EFCAB14: variants seen among roughly 807,000 people sequenced by gnomAD.
EFCAB14 encodes the protein EF-hand calcium binding domain 14, also known as EF-hand calcium-binding domain-containing protein 14.
Under a neutral mutation model 56.5 loss-of-function variants are expected in EFCAB14, and 43 were observed. The observed-to-expected ratio is 0.76, with a 90% confidence interval of 0.60 to 0.98. The LOEUF is 0.98. EFCAB14 is among the 50% of genes least tolerant of loss of function. EFCAB14 has a pLI of 0.00. For synonymous variants in EFCAB14, 235 were observed against 212.9 expected, an observed-to-expected ratio of 1.10 and a Z score of -0.90; for missense variants, 538 against 580.3, an observed-to-expected ratio of 0.93 and a Z score of 0.75.
At chr1:46,714,685 T>A (rs1330924191) in intron 2 of EFCAB14, among the ~76,000 whole-genome samples, 1 of 151,278 alleles carries the variant, frequency 6.6e-6, no homozygotes, top group African/African-American at 2.4e-5. Context: ...GCTATTGGGA[T>A]TGGGGGTGTG....
rs192407008 is a variant in EFCAB14 at position 46,707,435 on chromosome 1, T to G, written c.480+471A>C. ...AAGTTTATGTTGTATTAGGCTTATT[T>G]GACTGACCAAGGTATTTAACCAACT... is the stretch of plus-strand genomic sequence containing the variant. On this transcript the variant is annotated intron_variant, in intron 3 of 10. Coordinates refer to ENST00000371933, the MANE Select transcript of EFCAB14 (RefSeq NM_014774.3). Among the ~76,000 whole-genome samples, 4 of 152,372 alleles carry G rather than the reference T, an allele frequency of 2.6e-5. No homozygotes were observed. The East Asian group carries it at 7.7e-4, about 29-fold the overall frequency.
rs765728621 is a variant in EFCAB14, at chr1:46,696,547, C to T, written c.579+4G>A. On this transcript the variant is annotated splice_donor_region_variant and intron_variant, in intron 4 of 10. Transcript: ENST00000371933. ...AAGTCTCTGTACCCACACATGGCACCTACCTTCTGAAGTCCCTCTACAGTG... is the reference window on the plus strand; with the variant it reads ...AAGTCTCTGTACCCACACATGGCACTTACCTTCTGAAGTCCCTCTACAGTG... The T allele has an allele frequency of 1.1e-5, 17 of 1,612,948 alleles. 1 individual carries two copies. The South Asian group carries it at 1.9e-4, about 18-fold the overall frequency.
rs1311618142 is a variant in EFCAB14 at position 46,716,328 on chromosome 1, C to T, written c.301G>A (p.Asp101Asn). ...LVWMQVALKE[D>N]LDALKEKFRT... ...AATTTTTCCTTGAGGGCATCCAGAT[C>T]CTCCTTGAGAGCAACCTGCATCCAC... Residue 101 changes from aspartate (D) to asparagine (N), a missense_variant, in exon 2 of 11, where the codon GAT becomes AAT. Physicochemically the swap from Asp to Asn is conservative, Grantham distance 23. Transcript: ENST00000371933. 1.2e-6 allele frequency: 2 copies of T among 1,612,962 alleles called. No homozygotes were observed. Among genetic ancestry groups the T allele is most frequent in the South Asian group, 1.1e-5 (1 of 90,982 alleles).
chr1:46,686,285 T>C (rs886078651), intron 8 of EFCAB14, among the ~76,000 whole-genome samples: 1 of 152,220 alleles, frequency 6.6e-6, no homozygotes, highest in Non-Finnish European at 1.5e-5. Flanking sequence ...TATGAATACA[T>C]AGAGATTGCA....
intron 1 of EFCAB14, 125 bp downstream of exon 1, chr1:46,717,778 C>A: frequency 9.7e-7 from 1 of 1,027,230 alleles, no homozygotes; most frequent in Non-Finnish European, 1.4e-6. Context: ...GTTTTTCCCT[C>A]TTTGACTTCC....
At chr1:46,712,978 C>T (rs1183591068) in intron 2 of EFCAB14, among the ~76,000 whole-genome samples, 1 of 152,018 alleles carries the variant, frequency 6.6e-6, no homozygotes, top group African/African-American at 2.4e-5. Flanking sequence ...CATGCCATTG[C>T]ACTCCAGCCT....
At chr1:46,683,596 T>C (rs573050770) in intron 9 of EFCAB14, among the ~76,000 whole-genome samples, 171 bp from the exon 10 acceptor site, 1 of 152,326 alleles carries the variant, frequency 6.6e-6, no homozygotes, top group South Asian at 2.1e-4. Flanking sequence ...TTGAGACATA[T>C]TTGTGGGCAA....
chr1:46,684,390 T>C (rs1447513861), intron 9 of EFCAB14, 101 bp downstream of exon 9: 6 of 920,524 alleles, frequency 6.5e-6, no homozygotes, highest in African/African-American at 5.0e-5. Flanking sequence ...CATCACTCGC[T>C]TGGTGCGATC....
In EFCAB14 at chr1:46,718,141, C is replaced by A; in HGVS notation, c.-54G>T. The A allele has an allele frequency of 6.4e-7, 1 of 1,574,046 alleles. No homozygotes were observed. Among genetic ancestry groups the A allele is most frequent in the South Asian group, 1.2e-5 (1 of 86,796 alleles). On this transcript the variant is annotated 5_prime_UTR_variant, in exon 1 of 11. Coordinates refer to ENST00000371933, the MANE Select transcript of EFCAB14 (RefSeq NM_014774.3). ...ACTCCTGAGCTGCCAGGTTCGTACCCGATGCCCAATTCTCTTCCTGCCTTG... is the reference window on the plus strand; with the variant it reads ...ACTCCTGAGCTGCCAGGTTCGTACCAGATGCCCAATTCTCTTCCTGCCTTG...
Position 46,678,363 on chromosome 1 carries a change from A to G in EFCAB14, c.*98T>C. On this transcript the variant is annotated 3_prime_UTR_variant, in exon 11 of 11. Coordinates refer to ENST00000371933, the MANE Select transcript of EFCAB14 (RefSeq NM_014774.3). ...AAGGTGGCAAAGTATCTGCTACAGT[A>G]GTTTGGAGGACTAGAGGACTGATGG... The G allele has an allele frequency of 1.6e-6, 2 of 1,281,254 alleles. No homozygotes were observed. Among genetic ancestry groups the G allele is most frequent in the Non-Finnish European group, 2.2e-6 (2 of 912,440 alleles). The allele number at this position is 1,281,254 out of a possible 1,614,324, so 79.4% of individuals were successfully genotyped here. A position where few individuals can be genotyped will look rare whatever the true frequency, so the allele number is the denominator to read the frequency against.
At chr1:46,681,663 G>GTT (rs10654448) in intron 10 of EFCAB14, among the ~76,000 whole-genome samples, 81,512 of 149,082 alleles carry the variant, frequency 0.55, 22,359 homozygotes, top group African/African-American at 0.63. Flanking sequence ...GAAGAGTTCT[G>GTT]TTTTTTTTTT....
chr1:46,697,411 T>A (rs569024214), intron 3 of EFCAB14, among the ~76,000 whole-genome samples: 1 of 152,222 alleles, frequency 6.6e-6, no homozygotes, highest in Non-Finnish European at 1.5e-5. Context: ...ACCTGTGTAA[T>A]AGTCAGTTTC....
intron 6 of EFCAB14, among the ~76,000 whole-genome samples, chr1:46,689,037 G>T (rs1676935802): frequency 6.6e-6 from 1 of 152,156 alleles, no homozygotes; most frequent in Admixed American, 6.5e-5. Flanking sequence ...ACTTTAAAAA[G>T]AATGATAACT....
chr1:46,692,704 T>C (rs1483876210), intron 4 of EFCAB14, among the ~76,000 whole-genome samples: 2 of 152,210 alleles, frequency 1.3e-5, no homozygotes, highest in African/African-American at 4.8e-5. Flanking sequence ...TTAATTTACA[T>C]TGCCCTAATG....
intron 2 of EFCAB14, among the ~76,000 whole-genome samples, chr1:46,715,912 T>C (rs952019385): frequency 1.3e-5 from 2 of 151,994 alleles, no homozygotes; most frequent in Non-Finnish European, 2.9e-5. Flanking sequence ...AGGGTTGACT[T>C]TGTCCCAGAA....
chr1:46,701,285 G>A (rs1298045905), intron 3 of EFCAB14, among the ~76,000 whole-genome samples: 1 of 152,118 alleles, frequency 6.6e-6, no homozygotes, highest in African/African-American at 2.4e-5. Flanking sequence ...TAAAATGCTA[G>A]GAAGGGTTCC....
At chr1:46,706,912 T>C (rs1262401571) in intron 3 of EFCAB14, among the ~76,000 whole-genome samples, 1 of 152,230 alleles carries the variant, frequency 6.6e-6, no homozygotes, top group Non-Finnish European at 1.5e-5. Flanking sequence ...ATGCGTTTAC[T>C]GGGTAATGAT....
At position 46,686,884 on chromosome 1, in the gene EFCAB14, AC is replaced by A; in HGVS notation, c.988-15del. 1 of 1,611,394 alleles carries A rather than the reference AC, an allele frequency of 6.2e-7. No individual in the cohort carries two copies. Among genetic ancestry groups the A allele is most frequent in the South Asian group, 1.1e-5 (1 of 90,976 alleles). On this transcript the variant is annotated splice_polypyrimidine_tract_variant and intron_variant, in intron 7 of 10. Transcript: ENST00000371933. ...TCTATCACCCATCTTAAAGGGCAAAACAAAAACAAACAAACAAAGGGAAGAT... is the reference window on the plus strand; with the variant it reads ...TCTATCACCCATCTTAAAGGGCAAAAAAAAACAAACAAACAAAGGGAAGAT...
At chr1:46,713,505 T>C (rs1677340394) in intron 2 of EFCAB14, among the ~76,000 whole-genome samples, 1 of 152,204 alleles carries the variant, frequency 6.6e-6, no homozygotes, top group Non-Finnish European at 1.5e-5. Flanking sequence ...TATGTACAAG[T>C]ACTACATTTT....
Sources: gnomAD v4.1 joint callset for allele counts (sites outside exome capture counted in the v4.1 genomes callset) on GRCh38, gnomAD v4.1.1 for gene constraint, MANE v1.5 for transcripts, NCBI Gene and HGNC (gene_info 2026-07-23, HGNC 2026-07-21) for gene names.